The following STX11 variants were observed in gnomAD, a reference collection of about 807,000 sequenced individuals.
STX11 encodes syntaxin-11.
In STX11, 21 loss-of-function variants were observed where a neutral mutation model predicts 19.9. That is an observed-to-expected ratio of 1.06 (90% CI 0.75 to 1.52). The LOEUF (loss-of-function observed/expected upper bound fraction) is 1.52. Ranked by LOEUF, STX11 falls within the 40% of genes most tolerant of loss-of-function variation. The pLI, the probability that STX11 is intolerant of heterozygous loss-of-function variation, is 0.00. For missense variants in STX11, 438 were observed against 405.9 expected, an observed-to-expected ratio of 1.08 and a Z score of -0.68; for synonymous variants, 193 against 174.4, an observed-to-expected ratio of 1.11 and a Z score of -0.84.
chr6:144,187,285 C>G lies in STX11; in HGVS notation c.658C>G (p.Arg220Gly), dbSNP rs1347888298. The change falls in exon 2 of 2, where the codon CGC becomes GGC. Residue 220 changes from arginine (R) to glycine (G), a missense_variant. Arg to Gly is a moderately radical substitution (Grantham distance 125). Coordinates refer to ENST00000367568, the MANE Select transcript of STX11 (RefSeq NM_003764.4). The surrounding 1 kb of genome is among the most constrained non-coding windows in gnomAD (Gnocchi z 5.6). Reference sequence around the variant, plus strand: ...CCGCGAACTGCTGCGCCTGGAGAGCCGCATCCGCGACGTACACGAGCTCTT... The same window carrying G: ...CCGCGAACTGCTGCGCCTGGAGAGCGGCATCCGCGACGTACACGAGCTCTT... The part of the protein sequence containing the change: ...RHRELLRLES[R>G]IRDVHELFLQ... 1.2e-6 allele frequency: 2 copies of G among 1,612,972 alleles called. No homozygotes were observed. The highest frequency in any genetic ancestry group is 1.1e-5 in the South Asian group (1 of 91,088).
At chr6:144,171,631 C>G (rs1584038841) in intron 1 of STX11, among the ~76,000 whole-genome samples, 5 of 152,260 alleles carry the variant, frequency 3.3e-5, no homozygotes, top group Admixed American at 3.3e-4. Context: ...CTCAAGGACT[C>G]CTATTTAGCA....
the STX11 span, among the ~76,000 whole-genome samples, chr6:144,141,653 T>TTTGTTGTTGTTG: frequency 1.7e-4 from 25 of 150,470 alleles, no homozygotes; most frequent in East Asian, 5.9e-4. Flanking sequence ...TATTTTCAGT[T>TTTGTTGTTGTTG]TTGTTGTTGT....
Position 144,152,537 on chromosome 6 carries a change from C to T in STX11, c.-6+1834C>T, listed in dbSNP as rs991051704. ...CATGTTATTTAATAACCATGTAAAACGAAATTCAGCTGATTATCACCCCTG... is the reference window on the plus strand; with the variant it reads ...CATGTTATTTAATAACCATGTAAAATGAAATTCAGCTGATTATCACCCCTG... On this transcript the variant is annotated intron_variant, in intron 1 of 1. Transcript: ENST00000367568. The surrounding 1 kb of genome is among the most constrained non-coding windows in gnomAD (Gnocchi z 4.9). Among the ~76,000 whole-genome samples, 6 of 152,112 alleles carry T rather than the reference C, an allele frequency of 3.9e-5. No individual in the cohort carries two copies. The highest frequency in any genetic ancestry group is 5.9e-5 in the Non-Finnish European group (4 of 68,014).
At chr6:144,166,165 CT>C (rs1438901892) in intron 1 of STX11, among the ~76,000 whole-genome samples, 1 of 152,220 alleles carries the variant, frequency 6.6e-6, no homozygotes, top group Non-Finnish European at 1.5e-5. Flanking sequence ...TCTACCACCA[CT>C]AACAATGAAA....
the STX11 span, chr6:144,140,762 T>A: frequency 3.0e-6 from 3 of 984,852 alleles, no homozygotes; most frequent in Non-Finnish European, 2.4e-6. Context: ...GGGGATGAAA[T>A]GGATGAAGGG....
chr6:144,163,339 A>G (rs990492737), intron 1 of STX11, among the ~76,000 whole-genome samples: 1 of 152,180 alleles, frequency 6.6e-6, no homozygotes, highest in African/African-American at 2.4e-5. Context: ...TTGGGAGGCC[A>G]AGGCAGGAGG....
chr6:144,169,939 A>G lies in STX11; in HGVS notation c.-5-16684A>G, dbSNP rs141545074. ...GTGATCCTCCTGCCTTGGCCTCCCA[A>G]CACACTGAGATTACAGGTGTGAGCC... On this transcript the variant is annotated intron_variant, in intron 1 of 1. Coordinates refer to ENST00000367568, the MANE Select transcript of STX11 (RefSeq NM_003764.4). The surrounding 1 kb of genome is among the most constrained non-coding windows in gnomAD (Gnocchi z 5.2). Among the ~76,000 whole-genome samples, 52 of 152,302 alleles carry G rather than the reference A, an allele frequency of 3.4e-4. No individual in the cohort carries two copies. The highest frequency in any genetic ancestry group is 9.4e-4 in the African/African-American group (39 of 41,568).
rs1270606638 is a variant in STX11, at chr6:144,184,334, A to G, written c.-5-2289A>G. Among the ~76,000 whole-genome samples the G allele has an allele frequency of 2.6e-5, 4 of 152,300 alleles. No homozygotes were observed. The highest frequency in any genetic ancestry group is 3.4e-3 in the Middle Eastern group (1 of 294). On this transcript the variant is annotated intron_variant, in intron 1 of 1. Transcript: ENST00000367568. This position sits in a 1 kb window ranked among gnomAD's most constrained non-coding sequence, Gnocchi z 6.5. Reference sequence around the variant, plus strand: ...CCACCAACAGTGTAAAAGCATTCCTATTTCTTCACAACCACCATCAGCATC... The same window carrying G: ...CCACCAACAGTGTAAAAGCATTCCTGTTTCTTCACAACCACCATCAGCATC...
rs1408339954 is a variant in STX11 at position 144,165,724 on chromosome 6, C to CT, written c.-6+15022dup. On this transcript the variant is annotated intron_variant, in intron 1 of 1. Transcript: ENST00000367568. This position sits in a 1 kb window ranked among gnomAD's most constrained non-coding sequence, Gnocchi z 5.8. Reference sequence around the variant, plus strand: ...TGGTACTTATAGTATCTTCAATAAGCTACCTGATAAATTAACTGATTATGG... The same window carrying CT: ...TGGTACTTATAGTATCTTCAATAAGCTTACCTGATAAATTAACTGATTATGG... Among the ~76,000 whole-genome samples the CT allele has an allele frequency of 6.6e-6, 1 of 152,152 alleles. No homozygotes were observed. The highest frequency in any genetic ancestry group is 1.5e-5 in the Non-Finnish European group (1 of 68,020).
At chr6:144,186,545 A>C (rs1008217778) in intron 1 of STX11, 78 bp from the exon 2 acceptor site, 8 of 1,594,494 alleles carry the variant, frequency 5.0e-6, no homozygotes, top group Non-Finnish European at 6.9e-6. Context: ...GCTGAGTAAA[A>C]TGTTTAAGTT....
Position 144,169,125 on chromosome 6 carries a change from C to A in STX11, c.-5-17498C>A, listed in dbSNP as rs557234964. ...TCACTCCTTGGAAACAGCAAAGACA[C>A]AAGCTTTTGCCTGTCATAGCCAGAT... On this transcript the variant is annotated intron_variant, in intron 1 of 1. Coordinates refer to ENST00000367568, the MANE Select transcript of STX11 (RefSeq NM_003764.4). This position sits in a 1 kb window ranked among gnomAD's most constrained non-coding sequence, Gnocchi z 5.2. 6.6e-6 allele frequency among the ~76,000 whole-genome samples: 1 copy of A among 152,340 alleles called. No individual in the cohort carries two copies. The highest frequency in any genetic ancestry group is 1.5e-5 in the Non-Finnish European group (1 of 68,036).
chr6:144,171,188 C>A (rs6922834), intron 1 of STX11, among the ~76,000 whole-genome samples: 1 of 151,958 alleles, frequency 6.6e-6, no homozygotes, highest in Non-Finnish European at 1.5e-5. Context: ...ACTTAGCCCC[C>A]CTCCTATACG....
In STX11 at chr6:144,189,859, A is replaced by G. The variant is rs1802170000; in HGVS notation, c.*2368A>G. Among the ~76,000 whole-genome samples the G allele has an allele frequency of 6.6e-6, 1 of 152,218 alleles. No homozygotes were observed. Among genetic ancestry groups the G allele is most frequent in the African/African-American group, 2.4e-5 (1 of 41,458 alleles). On this transcript the variant is annotated 3_prime_UTR_variant, in exon 2 of 2. Coordinates refer to ENST00000367568, the MANE Select transcript of STX11 (RefSeq NM_003764.4). ...ACTTAATTTGCTTTCTCTAAGGGAA[A>G]GGGGAAAAAATGTTCACATAGCTCC... is the stretch of plus-strand genomic sequence containing the variant.
At chr6:144,185,729 T>C (rs1295876376) in intron 1 of STX11, among the ~76,000 whole-genome samples, 1 of 152,248 alleles carries the variant, frequency 6.6e-6, no homozygotes, top group Non-Finnish European at 1.5e-5. Flanking sequence ...AAAAGCAGTG[T>C]TATTTACGAT....
At chr6:144,181,593 A>T (rs1188498589) in intron 1 of STX11, among the ~76,000 whole-genome samples, 1 of 30,026 alleles carries the variant, frequency 3.3e-5, no homozygotes, top group African/African-American at 4.1e-4. Context: ...AGACCACCTC[A>T]AAAAAAAAAA....
At position 144,154,647 on chromosome 6, in the gene STX11, C is replaced by T. The variant is rs1009665806; in HGVS notation, c.-6+3944C>T. 3.3e-5 allele frequency among the ~76,000 whole-genome samples: 5 copies of T among 152,176 alleles called. No homozygotes were observed. Among genetic ancestry groups the T allele is most frequent in the Admixed American group, 6.5e-5 (1 of 15,286 alleles). Reference sequence around the variant, plus strand: ...GAGCAGGGTCAAATGGTGGAAGAACCACTAACAAATGCAGACAGGTACATA... The same window carrying T: ...GAGCAGGGTCAAATGGTGGAAGAACTACTAACAAATGCAGACAGGTACATA... On this transcript the variant is annotated intron_variant, in intron 1 of 1. Transcript: ENST00000367568. The surrounding 1 kb of genome is among the most constrained non-coding windows in gnomAD (Gnocchi z 4.7).
At chr6:144,166,826 C>T (rs1160581714) in intron 1 of STX11, among the ~76,000 whole-genome samples, 1 of 151,466 alleles carries the variant, frequency 6.6e-6, no homozygotes, top group Non-Finnish European at 1.5e-5. Context: ...GTGCCTGGCC[C>T]CACCTTCCCC....
At chr6:144,166,233 A>G (rs572368278) in intron 1 of STX11, among the ~76,000 whole-genome samples, 2 of 152,218 alleles carry the variant, frequency 1.3e-5, no homozygotes, top group African/African-American at 4.8e-5. Context: ...TGAGACACTT[A>G]TGAAGAAGAG....
At chr6:144,186,484 A>T in intron 1 of STX11, 139 bp from the exon 2 acceptor site, 1 of 974,046 alleles carries the variant, frequency 1.0e-6, no homozygotes, top group East Asian at 2.6e-5. Context: ...CAGAACATTT[A>T]GCTCCTTTAG....
Sources: allele counts gnomAD v4.1 joint callset (sites outside exome capture counted in the v4.1 genomes callset), GRCh38; gene constraint gnomAD v4.1.1; non-coding constraint Gnocchi (gnomAD v3.1); transcripts MANE v1.5; gene names NCBI Gene and HGNC (gene_info 2026-07-23, HGNC 2026-07-21).